Variants in SPRED2 observed in about 807,000 individuals in gnomAD.
SPRED2 encodes the protein sprouty-related, EVH1 domain-containing protein 2.
In SPRED2, 47 loss-of-function variants were observed where a neutral mutation model predicts 43.0. The ratio of observed to expected loss-of-function variants is 1.09; its 90% confidence interval spans 0.87 to 1.40. SPRED2 has a LOEUF of 1.40. SPRED2 is among the 40% of genes most tolerant of loss of function. The probability of loss-of-function intolerance (pLI) is 0.00; values close to 1 mark genes in which losing one functional copy is unlikely to be tolerated. For synonymous variants in SPRED2, 225 were observed against 225.7 expected (o/e 1.00, Z 0.03); for missense variants, 561 against 586.4 (o/e 0.96, Z 0.45).
chr2:65,367,677 T>C (rs1044659311), intron 1 of SPRED2, among the ~76,000 whole-genome samples: 7 of 152,108 alleles, frequency 4.6e-5, no homozygotes, highest in Admixed American at 2.6e-4. Flanking sequence ...TAGTGCCTTC[T>C]CCTCCCAGGG....
chr2:65,407,223 T>C (rs1289287329), intron 1 of SPRED2, among the ~76,000 whole-genome samples: 8 of 144,444 alleles, frequency 5.5e-5, no homozygotes, highest in Admixed American at 5.5e-4. Flanking sequence ...CATAGTCTCT[T>C]TCTCAAATGG....
At chr2:65,341,124 TG>T (rs1674171121) in intron 2 of SPRED2, among the ~76,000 whole-genome samples, 1 of 150,132 alleles carries the variant, frequency 6.7e-6, no homozygotes, top group African/African-American at 2.4e-5. Flanking sequence ...TGTGTGTGTG[TG>T]TGTGCATGTG....
In SPRED2 at chr2:65,314,176, C is replaced by T. The variant is rs953185441; in HGVS notation, c.589-7G>A. ...GGTAGGGCCTTGGCATCGGCTGTCC[C>T]GTAGGAGAGGAGACATTATTTTACA... On this transcript the variant is annotated splice_region_variant and splice_polypyrimidine_tract_variant and intron_variant, in intron 5 of 5. Transcript: ENST00000356388. 1.9e-6 allele frequency: 3 copies of T among 1,573,272 alleles called. No individual in the cohort carries two copies. The highest frequency in any genetic ancestry group is 1.1e-5 in the South Asian group (1 of 87,136).
intron 1 of SPRED2, among the ~76,000 whole-genome samples, chr2:65,382,838 A>C (rs1675403850): frequency 6.6e-6 from 1 of 152,208 alleles, no homozygotes; most frequent in Admixed American, 6.5e-5. Context: ...CCAGGTGGCA[A>C]GGACTACATA....
chr2:65,378,481 G>T (rs1200729298), intron 1 of SPRED2, among the ~76,000 whole-genome samples: 1 of 152,190 alleles, frequency 6.6e-6, no homozygotes, highest in Non-Finnish European at 1.5e-5. Flanking sequence ...AGACATGAAT[G>T]ACAGCTGGGT....
chr2:65,343,270 C>A (rs1000635436), intron 2 of SPRED2, among the ~76,000 whole-genome samples: 1 of 152,124 alleles, frequency 6.6e-6, no homozygotes, highest in Admixed American at 6.5e-5. Flanking sequence ...AGAATGTTTT[C>A]ATTATTTGAC....
chr2:65,346,072 C>T (rs1674341661), intron 1 of SPRED2, among the ~76,000 whole-genome samples: 1 of 152,162 alleles, frequency 6.6e-6, no homozygotes, highest in South Asian at 2.1e-4. Flanking sequence ...CCCCATTATT[C>T]CCTGGGCCTC....
At chr2:65,327,501 A>G (rs1424691557) in intron 4 of SPRED2, among the ~76,000 whole-genome samples, 1 of 152,148 alleles carries the variant, frequency 6.6e-6, no homozygotes, top group African/African-American at 2.4e-5. Context: ...GTCGATAAAA[A>G]GATCCTCCTC....
intron 1 of SPRED2, among the ~76,000 whole-genome samples, chr2:65,431,294 C>T (rs1041906237): frequency 6.6e-6 from 1 of 151,576 alleles, no homozygotes; most frequent in African/African-American, 2.4e-5. Flanking sequence ...CCCCGAGCCG[C>T]CCGACCCCGC....
Position 65,344,845 on chromosome 2 carries a change from G to A in SPRED2, c.78C>T (p.Ser26=), listed in dbSNP as rs1251535831. ...VKAVVMTRDD[S]SGGWFPQEGG... is the part of the protein sequence containing the mutation. Reference sequence around the variant, plus strand: ...CTTCCTGTGGGAACCATCCCCCGCTGGAGTCATCTCTGGTCATAACCACAG... The same window carrying A: ...CTTCCTGTGGGAACCATCCCCCGCTAGAGTCATCTCTGGTCATAACCACAG... Residue 26 remains serine (S), a synonymous_variant, in exon 2 of 6, where the codon TCC becomes TCT. Transcript: ENST00000356388. 7.4e-6 allele frequency: 12 copies of A among 1,613,980 alleles called. No individual in the cohort carries two copies. Among genetic ancestry groups the A allele is most frequent in the Admixed American group, 1.7e-5 (1 of 59,988 alleles).
intron 1 of SPRED2, among the ~76,000 whole-genome samples, chr2:65,391,253 G>A (rs1178170948): frequency 1.3e-5 from 2 of 148,942 alleles, no homozygotes; most frequent in Non-Finnish European, 3.0e-5. Flanking sequence ...TCCAGAGTAG[G>A]ACTTCCAGTG....
At chr2:65,377,564 G>C (rs774543913) in intron 1 of SPRED2, 15 of 471,092 alleles carry the variant, frequency 3.2e-5, no homozygotes, top group Non-Finnish European at 5.7e-5. Flanking sequence ...CTGTGGCAAA[G>C]CAATGACTGA....
chr2:65,396,855 T>C (rs935545653), intron 1 of SPRED2, among the ~76,000 whole-genome samples: 3 of 152,214 alleles, frequency 2.0e-5, no homozygotes, highest in Non-Finnish European at 2.9e-5. Context: ...GACTCTTGTA[T>C]ACCATGCACT....
Position 65,334,744 on chromosome 2 carries a change from G to T in SPRED2, c.234C>A (p.Asp78Glu). ...LVVLECYVRK[D>E]LVYTKANPTF... The stretch of plus-strand genomic sequence containing the variant: ...TTGGATTGGCTTTGGTGTAGACCAA[G>T]TCCTTTCTTACATAGCATTCCAATA... Residue 78 changes from aspartate to glutamate, a missense_variant, in exon 3 of 6, where the codon GAC becomes GAA. Physicochemically the swap from Asp to Glu is conservative, Grantham distance 45 (BLOSUM62 2). Coordinates refer to ENST00000356388, the MANE Select transcript of SPRED2 (RefSeq NM_181784.3). The T allele has an allele frequency of 6.2e-7, 1 of 1,614,212 alleles. No individual in the cohort carries two copies. Among genetic ancestry groups the T allele is most frequent in the Non-Finnish European group, 8.5e-7 (1 of 1,180,036 alleles).
At chr2:65,422,378 G>C (rs1188812388) in intron 1 of SPRED2, among the ~76,000 whole-genome samples, 2 of 152,104 alleles carry the variant, frequency 1.3e-5, no homozygotes, top group African/African-American at 4.8e-5. Context: ...CATCAAGAGG[G>C]CTGTCCTCAC....
intron 1 of SPRED2, among the ~76,000 whole-genome samples, chr2:65,379,735 C>G (rs917531569): frequency 6.6e-6 from 1 of 152,150 alleles, no homozygotes; most frequent in Non-Finnish European, 1.5e-5. Flanking sequence ...TCTGACCCAG[C>G]CAAACTCCAA....
chr2:65,385,078 T>C lies in SPRED2; in HGVS notation c.27-40182A>G, dbSNP rs558511736. Among the ~76,000 whole-genome samples the C allele has an allele frequency of 3.3e-5, 5 of 150,852 alleles. No individual in the cohort carries two copies. In the South Asian group the frequency reaches 1.1e-3, roughly 32 times the overall value. ...ACCTCTGCCTCCCAGGTTCAAGCAA[T>C]TCTCCTGTCTCAGCCTCCCTGAGTA... On this transcript the variant is annotated intron_variant, in intron 1 of 5. Transcript: ENST00000356388.
At chr2:65,374,330 T>C (rs917368096) in intron 1 of SPRED2, among the ~76,000 whole-genome samples, 10 of 152,210 alleles carry the variant, frequency 6.6e-5, no homozygotes, top group Non-Finnish European at 1.5e-4. Flanking sequence ...GCACACTTGA[T>C]GGAAGAGAAA....
chr2:65,351,194 G>A (rs1674501372), intron 1 of SPRED2, among the ~76,000 whole-genome samples: 1 of 152,126 alleles, frequency 6.6e-6, no homozygotes, highest in Non-Finnish European at 1.5e-5. Flanking sequence ...GACAGTAGGA[G>A]GAAATTTGAC....
Sources: allele counts gnomAD v4.1 joint callset (sites outside exome capture counted in the v4.1 genomes callset), GRCh38; gene constraint gnomAD v4.1.1; transcripts MANE v1.5; gene names NCBI Gene and HGNC (gene_info 2026-07-23, HGNC 2026-07-21).